Variants in ANK2 observed in about 807,000 individuals in gnomAD.
ANK2 encodes ankyrin-2.
In ANK2, 83 loss-of-function variants were observed where a neutral mutation model predicts 360.5. The ratio of observed to expected loss-of-function variants is 0.23; its 90% CI spans 0.19 to 0.28. The LOEUF is 0.28. Among genes scored for constraint, ANK2 ranks in the 10% least tolerant of loss-of-function variants. The pLI is 1.00. For missense variants in ANK2, 4,201 were observed against 4,795.7 expected, an observed-to-expected ratio of 0.88 and a Z score of 3.66; for synonymous variants, 1,740 against 1,759.5, an observed-to-expected ratio of 0.99 and a Z score of 0.28.
chr4:113,025,107 C>T (rs2058990423), intron 2 of ANK2, among the ~76,000 whole-genome samples: 1 of 151,796 alleles, frequency 6.6e-6, no homozygotes, highest in Non-Finnish European at 1.5e-5. Context: ...AATTCATGTA[C>T]AAAGTTCTCC....
At chr4:113,103,503 T>C (rs952706394) in intron 1 of ANK2, among the ~76,000 whole-genome samples, 4 of 152,310 alleles carry the variant, frequency 2.6e-5, no homozygotes, top group Non-Finnish European at 5.9e-5. Flanking sequence ...AGTGATGTTT[T>C]AATGGCAATT....
At position 113,354,646 on chromosome 4, in the gene ANK2, C is replaced by T; in HGVS notation, c.6028C>T (p.Leu2010Phe). 1 of 1,614,114 alleles carries T rather than the reference C, an allele frequency of 6.2e-7. No homozygotes were observed. The highest frequency in any genetic ancestry group is 8.5e-7 in the Non-Finnish European group (1 of 1,180,010). ...GGACCCTTCTAAACATAAAACTGGA[C>T]TCTTTGAGCACAAATCAGCAAAACA... ...GQDPSKHKTG[L>F]FEHKSAKQKQ... Residue 2010 changes from leucine (L) to phenylalanine (F), a missense_variant, in exon 38 of 46, where the codon CTC becomes TTC. Coordinates refer to ENST00000357077, the MANE Select transcript of ANK2 (RefSeq NM_001148.6).
chr4:112,750,704 C>T, the ANK2 span, among the ~76,000 whole-genome samples: 2 of 151,776 alleles, frequency 1.3e-5, no homozygotes, highest in African/African-American at 4.8e-5. Context: ...GCTGGGTTGC[C>T]TATTTTTATG....
intron 2 of ANK2, among the ~76,000 whole-genome samples, chr4:113,174,988 T>C (rs908444723): frequency 3.9e-5 from 6 of 152,344 alleles, no homozygotes; most frequent in African/African-American, 1.2e-4. Flanking sequence ...TTATTGTAAA[T>C]GATGTATCCA....
intron 45 of ANK2, among the ~76,000 whole-genome samples, chr4:113,374,383 C>G (rs2096851464): frequency 6.6e-6 from 1 of 152,296 alleles, no homozygotes; most frequent in Admixed American, 6.5e-5. Flanking sequence ...TTCAGTTTCT[C>G]ATAGCTTTTA....
intron 1 of ANK2, among the ~76,000 whole-genome samples, chr4:112,900,149 T>A (rs192233585): frequency 4.0e-4 from 61 of 152,276 alleles, no homozygotes; most frequent in Middle Eastern, 3.4e-3. Context: ...CCACCCCACA[T>A]TTTTTTGGTT....
Position 113,354,452 on chromosome 4 carries a change from C to G in ANK2, c.5834C>G (p.Thr1945Arg), listed in dbSNP as rs762027070. Residue 1945 changes from threonine to arginine, a missense_variant, in exon 38 of 46, where the codon ACG (threonine) becomes AGG (arginine). Thr to Arg is a moderately conservative substitution (Grantham distance 71, BLOSUM62 -1). Coordinates refer to ENST00000357077, the MANE Select transcript of ANK2 (RefSeq NM_001148.6). ...KRLPVSPSGRTDKHQPVSTAG... is the reference protein window; with the variant it reads ...KRLPVSPSGRRDKHQPVSTAG... The stretch of plus-strand genomic sequence containing the variant: ...TTGCCTGTTTCACCCTCCGGAAGAA[C>G]GGACAAGCACCAACCTGTATCAACA... 2 of 1,614,120 alleles carry G rather than the reference C, an allele frequency of 1.2e-6. No homozygotes were observed. The highest frequency in any genetic ancestry group is 8.5e-7 in the Non-Finnish European group (1 of 1,179,996).
chr4:112,740,299 G>A, the ANK2 span, among the ~76,000 whole-genome samples: 3 of 152,062 alleles, frequency 2.0e-5, no homozygotes, highest in Admixed American at 2.0e-4. Context: ...TAGCAGTGGT[G>A]TCATCATAGC....
At chr4:112,735,546 C>T in the ANK2 span, among the ~76,000 whole-genome samples, 7 of 152,088 alleles carry the variant, frequency 4.6e-5, no homozygotes, top group Non-Finnish European at 1.0e-4. Flanking sequence ...GGACTGCCAC[C>T]CATCTTCCCA....
Position 113,343,051 on chromosome 4 carries a change from TC to T in ANK2, c.4158del (p.Phe1386LeufsTer7). On this transcript the variant is annotated frameshift_variant, in exon 34 of 46. Transcript: ENST00000357077. LOFTEE classifies it high-confidence loss of function. Reference sequence around the variant, plus strand: ...GGAAAACCCATCTACGTTGATTGTTTCGGCAACTTGGTACCATTAACTAAAA... The same window carrying T: ...GGAAAACCCATCTACGTTGATTGTTTGGCAACTTGGTACCATTAACTAAAA... ...LEGKPIYVDCFGNLVPLTKSG... is the reference protein window; with the variant it reads ...LEGKPIYVDCXGNLVPLTKSG... The T allele has an allele frequency of 6.2e-7, 1 of 1,614,036 alleles. No homozygotes were observed. The highest frequency in any genetic ancestry group is 8.5e-7 in the Non-Finnish European group (1 of 1,179,922).
In ANK2 at chr4:112,894,164, T is replaced by A. The variant is rs567712809; in HGVS notation, c.-39-10291T>A. 1.9e-4 allele frequency among the ~76,000 whole-genome samples: 29 copies of A among 148,950 alleles called. No homozygotes were observed. The East Asian group carries it at 2.9e-3, about 15-fold the overall frequency. On this transcript the variant is annotated intron_variant, in intron 1 of 30. Coordinates refer to the ANK2 transcript ENST00000503271. ...TCAAAATGCCCTAGTTGGCTTCTTT[T>A]AAAAAAAAAAATCAAATTCTCTCAT...
chr4:113,336,567 C>T lies in ANK2; in HGVS notation c.3592-10C>T, dbSNP rs1394920908. On this transcript the variant is annotated splice_polypyrimidine_tract_variant and intron_variant, in intron 30 of 45. Coordinates refer to ENST00000357077, the MANE Select transcript of ANK2 (RefSeq NM_001148.6). ...ACAAATATATATGTGTGTGTTTTTA[C>T]TTTGAAAAGGCTCAACCTATGCACA... 6.2e-7 allele frequency: 1 copy of T among 1,612,162 alleles called. No individual in the cohort carries two copies. The highest frequency in any genetic ancestry group is 2.2e-5 in the East Asian group (1 of 44,806).
intron 1 of ANK2, among the ~76,000 whole-genome samples, chr4:112,879,101 A>C (rs2076010854): frequency 6.6e-6 from 1 of 151,854 alleles, no homozygotes; most frequent in Non-Finnish European, 1.5e-5. Flanking sequence ...TGCATGTAAG[A>C]TGAACAAAAC....
At chr4:112,739,191 T>C in the ANK2 span, 3 of 333,300 alleles carry the variant, frequency 9.0e-6, no homozygotes, top group Non-Finnish European at 1.7e-5. Context: ...TCCTACATTC[T>C]AGAAGAGTCC....
In ANK2 at chr4:113,174,123, C is replaced by T. The variant is rs186406377; in HGVS notation, c.85-293C>T. ...GCAGTACTTGAGGCTAGCATCAACA[C>T]GTCTTCAATTGTGGCTGAAGATTTA... is the stretch of plus-strand genomic sequence containing the variant. On this transcript the variant is annotated intron_variant, in intron 1 of 45. Transcript: ENST00000357077. 33 of 343,910 alleles carry T rather than the reference C, an allele frequency of 9.6e-5. No individual in the cohort carries two copies. In the Middle Eastern group the frequency reaches 1.9e-3, roughly 20 times the overall value. The allele number at this position is 343,910 out of a possible 1,614,324, so 21.3% of individuals were successfully genotyped here. A position where few individuals can be genotyped will look rare whatever the true frequency, so the allele number is the denominator to read the frequency against.
intron 2 of ANK2, among the ~76,000 whole-genome samples, chr4:113,036,713 C>T (rs1486743938): frequency 2.0e-5 from 3 of 151,616 alleles, no homozygotes; most frequent in Non-Finnish European, 4.4e-5. Context: ...AAATAATGTT[C>T]TGTAGATTTC....
At chr4:113,170,664 C>T (rs2097912346) in intron 1 of ANK2, among the ~76,000 whole-genome samples, 1 of 152,154 alleles carries the variant, frequency 6.6e-6, no homozygotes, top group Non-Finnish European at 1.5e-5. Flanking sequence ...GGTCAGCACT[C>T]CTTGGGGATA....
At chr4:112,831,336 C>G (rs958493382) in intron 1 of ANK2, among the ~76,000 whole-genome samples, 5 of 152,214 alleles carry the variant, frequency 3.3e-5, no homozygotes, top group Non-Finnish European at 7.3e-5. Flanking sequence ...CCAATCAGCA[C>G]TCTGTGTCTA....
intron 4 of ANK2, among the ~76,000 whole-genome samples, chr4:113,212,266 C>G (rs957863000): frequency 1.1e-4 from 17 of 152,034 alleles, no homozygotes; most frequent in African/African-American, 4.1e-4. Context: ...GGTGCAATTA[C>G]TAATAACTTT....
Sources: allele counts gnomAD v4.1 joint callset (sites outside exome capture counted in the v4.1 genomes callset), GRCh38; gene constraint gnomAD v4.1.1; transcripts MANE v1.5; gene names NCBI Gene and HGNC (gene_info 2026-07-23, HGNC 2026-07-21).